Variants in CRACD observed in about 807,000 individuals in gnomAD.
The protein encoded by CRACD is capping protein-inhibiting regulator of actin dynamics.
Under a neutral mutation model 106.8 loss-of-function variants are expected in CRACD, and 56 were observed. The observed-to-expected ratio is 0.52, with a 90% CI of 0.42 to 0.66. The LOEUF (loss-of-function observed/expected upper bound fraction) is 0.66. Ranked by LOEUF, CRACD falls within the 30% of genes least tolerant of loss-of-function variation. CRACD has a pLI of 0.00. For synonymous variants in CRACD, 754 were observed against 670.8 expected, an observed-to-expected ratio of 1.12 and a Z score of -1.92; for missense variants, 1,730 against 1,623.2, an observed-to-expected ratio of 1.07 and a Z score of -1.13.
intron 1 of CRACD, among the ~76,000 whole-genome samples, chr4:56,057,412 G>C (rs1338638303): frequency 6.6e-6 from 1 of 152,196 alleles, no homozygotes; most frequent in East Asian, 1.9e-4. Flanking sequence ...CACCATGCCA[G>C]TTGTGTGTGT....
intron 1 of CRACD, among the ~76,000 whole-genome samples, chr4:56,172,331 T>G (rs1020808228): frequency 5.9e-5 from 9 of 152,210 alleles, no homozygotes; most frequent in Non-Finnish European, 1.2e-4. Context: ...AGCAGCACAG[T>G]TACCGCTGCT....
chr4:56,081,009 T>G (rs528789119), intron 1 of CRACD, among the ~76,000 whole-genome samples: 1 of 152,206 alleles, frequency 6.6e-6, no homozygotes, highest in Non-Finnish European at 1.5e-5. Flanking sequence ...CATAACTGTT[T>G]TTTGTTTATT....
At chr4:56,318,459 A>G (rs1745830226) in intron 8 of CRACD, among the ~76,000 whole-genome samples, 1 of 152,134 alleles carries the variant, frequency 6.6e-6, no homozygotes, top group African/African-American at 2.4e-5. Flanking sequence ...CTTTCATAGT[A>G]TCTGCAAAGT....
intron 2 of CRACD, among the ~76,000 whole-genome samples, chr4:56,208,234 C>T (rs1738225321): frequency 6.6e-6 from 1 of 152,088 alleles, no homozygotes; most frequent in South Asian, 2.1e-4. Context: ...CATACAGTTC[C>T]TAGAGTCTGG....
rs1413849939 is a variant in CRACD at position 56,323,560 on chromosome 4, A to G, written c.3371A>G (p.Lys1124Arg). The G allele has an allele frequency of 2.5e-6, 4 of 1,571,928 alleles. No homozygotes were observed. Among genetic ancestry groups the G allele is most frequent in the East Asian group, 2.3e-5 (1 of 43,758 alleles). The change falls in exon 9 of 11, where the codon AAA (lysine) becomes AGA (arginine). Residue 1124 changes from lysine to arginine, a missense_variant. Lys to Arg is a conservative substitution (Grantham distance 26, BLOSUM62 2). This residue lies in a region of CRACD where 2 missense variants were observed against 17.3 expected (regional missense o/e 0.12). Transcript: ENST00000682029. ...GCCAAACAGGCAGAAAAGCTCTCCAAAGAAAATGTGAGTAGCCTGGGCTTC... is the reference window on the plus strand; with the variant it reads ...GCCAAACAGGCAGAAAAGCTCTCCAGAGAAAATGTGAGTAGCCTGGGCTTC... Reference protein sequence around the residue: ...REAKQAEKLSKENVSVSVQPG... With the variant: ...REAKQAEKLSRENVSVSVQPG...
In CRACD at chr4:56,119,985, A is replaced by T. The variant is rs1254517486; in HGVS notation, c.-335-59299A>T. On this transcript the variant is annotated intron_variant, in intron 1 of 10. Transcript: ENST00000682029. Reference sequence around the variant, plus strand: ...GACTCCACTTTAATCTACTATTTGCACTACCCCTTGTCGTTTATCTAAACC... The same window carrying T: ...GACTCCACTTTAATCTACTATTTGCTCTACCCCTTGTCGTTTATCTAAACC... 3.3e-5 allele frequency among the ~76,000 whole-genome samples: 5 copies of T among 152,198 alleles called. No homozygotes were observed. The East Asian group carries it at 9.7e-4, about 29-fold the overall frequency.
chr4:56,215,193 A>C (rs1738616311), intron 2 of CRACD, among the ~76,000 whole-genome samples: 1 of 152,018 alleles, frequency 6.6e-6, no homozygotes, highest in Non-Finnish European at 1.5e-5. Context: ...TAATTTTTAA[A>C]TGTTTTTGTA....
At chr4:56,117,008 G>A (rs985420553) in intron 1 of CRACD, among the ~76,000 whole-genome samples, 2 of 140,196 alleles carry the variant, frequency 1.4e-5, no homozygotes, top group Non-Finnish European at 1.5e-5. Flanking sequence ...ACACCTAGCC[G>A]AATTTTTAAT....
At chr4:56,156,451 A>C (rs1452406151) in intron 1 of CRACD, among the ~76,000 whole-genome samples, 1 of 152,246 alleles carries the variant, frequency 6.6e-6, no homozygotes, top group Non-Finnish European at 1.5e-5. Flanking sequence ...CTCTGGGCTC[A>C]GTTTTCTTCT....
At chr4:56,058,985 T>A (rs1056106717) in intron 1 of CRACD, among the ~76,000 whole-genome samples, 38 of 152,354 alleles carry the variant, frequency 2.5e-4, no homozygotes, top group African/African-American at 8.7e-4. Context: ...AATGTTGGTT[T>A]ATAAAAATAT....
chr4:56,099,105 CACTTGAAGAATGGGTG>C lies in CRACD; in HGVS notation c.-336+49810_-336+49825del, dbSNP rs1188561785. On this transcript the variant is annotated intron_variant, in intron 1 of 10. Transcript: ENST00000682029. Reference sequence around the variant, plus strand: ...GAGGAACAGGTGACAGTTTAGATTTCACTTGAAGAATGGGTGACTGTGGACCTCTGAATAATCAAAG... The same window carrying C: ...GAGGAACAGGTGACAGTTTAGATTTCACTGTGGACCTCTGAATAATCAAAG... Among the ~76,000 whole-genome samples the C allele has an allele frequency of 3.9e-5, 6 of 152,286 alleles. No homozygotes were observed. The South Asian group carries it at 8.3e-4, about 21-fold the overall frequency.
intron 2 of CRACD, among the ~76,000 whole-genome samples, chr4:56,211,108 G>A (rs996416335): frequency 2.0e-5 from 3 of 152,178 alleles, no homozygotes; most frequent in Non-Finnish European, 2.9e-5. Context: ...CAAGTTCAAT[G>A]TTGTGCATTT....
rs781284422 is a variant in CRACD, at chr4:56,316,369, C to G, written c.2867C>G (p.Pro956Arg). 2 of 1,614,126 alleles carry G rather than the reference C, an allele frequency of 1.2e-6. No individual in the cohort carries two copies. Among genetic ancestry groups the G allele is most frequent in the South Asian group, 2.2e-5 (2 of 91,090 alleles). The change falls in exon 8 of 11, where the codon CCA (proline) becomes CGA (arginine). Residue 956 changes from proline to arginine, a missense_variant. Coordinates refer to ENST00000682029, the MANE Select transcript of CRACD (RefSeq NM_001393381.1). Reference sequence around the variant, plus strand: ...CACGACAAGGCAGCAAACAAAATGCCACTGGCACAAAAGCCAGCACTGGCT... The same window carrying G: ...CACGACAAGGCAGCAAACAAAATGCGACTGGCACAAAAGCCAGCACTGGCT... ...PEHDKAANKM[P>R]LAQKPALAPK...
intron 1 of CRACD, among the ~76,000 whole-genome samples, chr4:56,176,541 G>A (rs977718551): frequency 2.0e-5 from 3 of 149,634 alleles, no homozygotes; most frequent in African/African-American, 4.9e-5. Context: ...CCATTCTCCC[G>A]CCTCAGCCTC....
chr4:56,096,839 T>C lies in CRACD; in HGVS notation c.-336+47540T>C, dbSNP rs1328676023. ...TAGAAGGAGTTGAATTGGAGATAAGTAGAGAAAACTTTTTTGAGTTTTACT... is the reference window on the plus strand; with the variant it reads ...TAGAAGGAGTTGAATTGGAGATAAGCAGAGAAAACTTTTTTGAGTTTTACT... On this transcript the variant is annotated intron_variant, in intron 1 of 10. Transcript: ENST00000682029. Among the ~76,000 whole-genome samples, 6 of 152,008 alleles carry C rather than the reference T, an allele frequency of 3.9e-5. 1 individual carries two copies. Among genetic ancestry groups the C allele is most frequent in the East Asian group, 1.9e-4 (1 of 5,182 alleles).
chr4:56,222,686 C>T (rs1739107725), intron 2 of CRACD, among the ~76,000 whole-genome samples: 1 of 152,092 alleles, frequency 6.6e-6, no homozygotes, highest in South Asian at 2.1e-4. Flanking sequence ...TGAGTCATCC[C>T]TGTAATCCCA....
At chr4:56,238,544 C>T (rs1412439154) in intron 2 of CRACD, among the ~76,000 whole-genome samples, 1 of 152,212 alleles carries the variant, frequency 6.6e-6, no homozygotes, top group African/African-American at 2.4e-5. Context: ...GTCAATGGAA[C>T]AGCATCAACA....
At chr4:56,099,853 G>A (rs1733722745) in intron 1 of CRACD, among the ~76,000 whole-genome samples, 1 of 152,166 alleles carries the variant, frequency 6.6e-6, no homozygotes, top group Non-Finnish European at 1.5e-5. Context: ...AATCATATGT[G>A]TGTCATTTTT....
chr4:56,141,682 A>ATT (rs1171920777), intron 1 of CRACD, among the ~76,000 whole-genome samples: 882 of 82,672 alleles, frequency 0.011, 46 homozygotes, highest in East Asian at 0.042. Context: ...AGGAAGTACT[A>ATT]TTTTTTTTTT....
Sources: allele counts gnomAD v4.1 joint callset (sites outside exome capture counted in the v4.1 genomes callset), GRCh38; gene constraint gnomAD v4.1.1; regional missense constraint gnomAD v4.1.1; transcripts MANE v1.5; gene names NCBI Gene and HGNC (gene_info 2026-07-23, HGNC 2026-07-21).